Variants in LONRF3 observed in about 807,000 individuals in gnomAD.
LONRF3 encodes the protein LON peptidase N-terminal domain and RING finger protein 3.
Under a neutral mutation model 51.7 loss-of-function variants are expected in LONRF3, and 19 were observed. That is an observed-to-expected ratio of 0.37 (90% confidence interval 0.26 to 0.54). LONRF3 has a LOEUF of 0.54. Among genes scored for constraint, LONRF3 ranks in the 20% least tolerant of loss-of-function variants. The probability of loss-of-function intolerance (pLI) is 0.86; values close to 1 mark genes in which losing one functional copy is unlikely to be tolerated. For missense variants in LONRF3, 521 were observed against 623.9 expected (o/e 0.84, Z 1.76); for synonymous variants, 265 against 257.8 (o/e 1.03, Z -0.27).
intron 5 of LONRF3, among the ~76,000 whole-genome samples, chrX:118,996,802 G>T (rs769158454): frequency 9.2e-6 from 1 of 109,173 alleles, no homozygotes; most frequent in South Asian, 4.1e-4. Flanking sequence ...TGCACCTGTA[G>T]TCCCAGCTAC....
chrX:118,992,407 C>T (rs914532689), intron 5 of LONRF3, among the ~76,000 whole-genome samples: 9 of 111,235 alleles, frequency 8.1e-5, no homozygotes, highest in Non-Finnish European at 1.7e-4. Flanking sequence ...ATTTCCCCAA[C>T]TTCCCTGGTA....
At position 118,976,030 on chromosome X, in the gene LONRF3, C is replaced by A. The variant is rs749671006; in HGVS notation, c.817+433C>A. 1.2e-4 allele frequency among the ~76,000 whole-genome samples: 13 copies of A among 112,795 alleles called. No individual in the cohort carries two copies. The East Asian group carries it at 3.7e-3, about 32-fold the overall frequency. ...CCTGGTCTCCTCTTACACCTGCTCG[C>A]ACCTTCCCAGCGAGGAGAGGAACTT... On this transcript the variant is annotated intron_variant, in intron 1 of 10. Coordinates refer to ENST00000371628, the MANE Select transcript of LONRF3 (RefSeq NM_001031855.3).
At chrX:119,003,173 G>A (rs1924455073) in intron 5 of LONRF3, among the ~76,000 whole-genome samples, 1 of 111,148 alleles carries the variant, frequency 9.0e-6, no homozygotes, top group African/African-American at 3.3e-5. Flanking sequence ...AGGTCATAAA[G>A]ATATTCTCCT....
In LONRF3 at chrX:118,975,366, G is replaced by A; in HGVS notation, c.586G>A (p.Gly196Arg). 1 of 1,209,017 alleles carries A rather than the reference G, an allele frequency of 8.3e-7. No individual in the cohort carries two copies. Among genetic ancestry groups the A allele is most frequent in the South Asian group, 1.8e-5 (1 of 56,725 alleles). Residue 196 changes from glycine (G) to arginine (R), a missense_variant, in exon 1 of 11, where the codon GGG (glycine) becomes AGG (arginine). Coordinates refer to ENST00000371628, the MANE Select transcript of LONRF3 (RefSeq NM_001031855.3). Reference sequence around the variant, plus strand: ...CGCCGACCGGCGCTGTGCGCTGTGCGGGGTCAAGCTCTCCGCCTTGATGGT... The same window carrying A: ...CGCCGACCGGCGCTGTGCGCTGTGCAGGGTCAAGCTCTCCGCCTTGATGGT... ...RAADRRCALC[G>R]VKLSALMVAT... is the part of the protein sequence containing the mutation.
At chrX:119,009,064 T>C in intron 6 of LONRF3, 62 bp from the exon 7 acceptor site, 2 of 1,007,780 alleles carry the variant, frequency 2.0e-6, no homozygotes, top group South Asian at 4.4e-5. Context: ...ACATCAGAAG[T>C]GTTTTGCTGA....
At chrX:119,003,688 A>C (rs1171989492) in intron 5 of LONRF3, among the ~76,000 whole-genome samples, 1 of 112,492 alleles carries the variant, frequency 8.9e-6, no homozygotes, top group Non-Finnish European at 1.9e-5. Flanking sequence ...TGCTCTTCAG[A>C]TGTATCTTGG....
chrX:118,998,010 C>G (rs940804238), intron 5 of LONRF3, among the ~76,000 whole-genome samples: 16 of 112,328 alleles, frequency 1.4e-4, no homozygotes, highest in East Asian at 5.6e-4. Flanking sequence ...GGGAACACTT[C>G]TACACTGCTG....
chrX:119,010,939 C>T (rs2147306691), intron 7 of LONRF3, among the ~76,000 whole-genome samples: 1 of 109,524 alleles, frequency 9.1e-6, no homozygotes, highest in Admixed American at 9.7e-5. Flanking sequence ...CATGGTGAAA[C>T]CCCATCTCTA....
At chrX:118,979,460 A>T (rs370231103) in intron 2 of LONRF3, among the ~76,000 whole-genome samples, 27 of 110,563 alleles carry the variant, frequency 2.4e-4, no homozygotes, top group African/African-American at 8.6e-4. Context: ...TGCCCGGCTA[A>T]TTTTTTGTAT....
chrX:118,987,514 G>A (rs1282749565), intron 3 of LONRF3, among the ~76,000 whole-genome samples: 2 of 86,180 alleles, frequency 2.3e-5, no homozygotes, highest in Admixed American at 1.6e-4. Context: ...GGCTGGTCTC[G>A]AACTCCTGGC....
Position 118,974,630 on chromosome X carries a change from G to C in LONRF3, c.-151G>C, listed in dbSNP as rs1921826457. 6.4e-6 allele frequency: 3 copies of C among 468,743 alleles called. No homozygotes were observed. Among genetic ancestry groups the C allele is most frequent in the Non-Finnish European group, 7.4e-6 (2 of 271,535 alleles). The allele number at this position is 468,743 out of a possible 1,213,427, so 38.6% of individuals were successfully genotyped here. A position where few individuals can be genotyped will look rare whatever the true frequency, so the allele number is the denominator to read the frequency against. ...AGACAAGACAGTTATTAGGCGGCGC[G>C]GGGCGGCCGGCATGGAGCTCCCGGA... On this transcript the variant is annotated 5_prime_UTR_variant, in exon 1 of 11. Transcript: ENST00000371628.
rs1038955803 is a variant in LONRF3, at chrX:119,006,244, A to G, written c.1530+9A>G. ...AAGACGGTCTTTCACAGGTAAATCA[A>G]TATTTCTTTCTTGTTTGGTTTAAAT... is the stretch of plus-strand genomic sequence containing the variant. On this transcript the variant is annotated intron_variant, in intron 6 of 10. Transcript: ENST00000371628. 7.4e-6 allele frequency: 8 copies of G among 1,078,128 alleles called. No individual in the cohort carries two copies. The highest frequency in any genetic ancestry group is 2.5e-4 in the Middle Eastern group (1 of 3,999). 88.8% of individuals were successfully genotyped at this position (1,078,128 alleles called of 1,213,427 possible). A position where few individuals can be genotyped will look rare whatever the true frequency, so the allele number is the denominator to read the frequency against.
At chrX:119,013,253 G>A (rs1357743831) in intron 9 of LONRF3, 52 bp downstream of exon 9, 1 of 1,104,138 alleles carries the variant, frequency 9.1e-7, no homozygotes, top group East Asian at 3.0e-5. Context: ...CTTGTAACTT[G>A]ATACACAAAG....
At position 118,989,403 on chromosome X, in the gene LONRF3, T is replaced by A; in HGVS notation, c.1060-5T>A. 8.3e-7 allele frequency: 1 copy of A among 1,210,119 alleles called. No individual in the cohort carries two copies. The highest frequency in any genetic ancestry group is 1.8e-5 in the South Asian group (1 of 56,751). On this transcript the variant is annotated splice_polypyrimidine_tract_variant and splice_region_variant and intron_variant, in intron 3 of 10. Coordinates refer to ENST00000371628, the MANE Select transcript of LONRF3 (RefSeq NM_001031855.3). The stretch of plus-strand genomic sequence containing the variant: ...ATTCTGATATGTGGCCCTTTCTTCA[T>A]CCAGGACAATCTGGAGCTCCCACAT...
rs1921867128 is a variant in LONRF3 at position 118,974,971 on chromosome X, C to T, written c.191C>T (p.Thr64Met). Residue 64 changes from threonine (T) to methionine (M), a missense_variant, in exon 1 of 11, where the codon ACG becomes ATG. Thr to Met is a moderately conservative substitution (Grantham distance 81, BLOSUM62 -1). This residue lies in a region of LONRF3 where 376 missense variants were observed against 376.7 expected (regional missense o/e 1.00). Transcript: ENST00000371628. ...PEQEQSPGTS[T>M]PESKVLLTQA... The stretch of plus-strand genomic sequence containing the variant: ...CAAGAGCAGTCTCCGGGGACCTCAA[C>T]GCCGGAGAGCAAAGTCCTGCTCACG... 1 of 1,175,588 alleles carries T rather than the reference C, an allele frequency of 8.5e-7. No homozygotes were observed.
chrX:118,974,931 A>G lies in LONRF3; in HGVS notation c.151A>G (p.Thr51Ala), dbSNP rs1278853124. 8.4e-7 allele frequency: 1 copy of G among 1,184,444 alleles called. No homozygotes were observed. Among genetic ancestry groups the G allele is most frequent in the Non-Finnish European group, 1.1e-6 (1 of 881,650 alleles). Residue 51 changes from threonine (T) to alanine (A), a missense_variant, in exon 1 of 11, where the codon ACG (threonine) becomes GCG (alanine). Transcript: ENST00000371628. Reference protein sequence around the residue: ...VAAEGPAPLPTREPEQEQSPG... With the variant: ...VAAEGPAPLPAREPEQEQSPG... ...TGCAGAGGGCCCCGCACCTCTACCGACGCGGGAGCCAGAGCAAGAGCAGTC... is the reference window on the plus strand; with the variant it reads ...TGCAGAGGGCCCCGCACCTCTACCGGCGCGGGAGCCAGAGCAAGAGCAGTC...
chrX:118,995,805 A>C (rs2316010), intron 5 of LONRF3, among the ~76,000 whole-genome samples: 1,823 of 112,191 alleles, frequency 0.016, 29 homozygotes, highest in African/African-American at 0.056. Context: ...ATGAGATACC[A>C]TGAACAGACC....
chrX:118,979,177 T>C (rs1922348986), intron 2 of LONRF3, among the ~76,000 whole-genome samples: 1 of 107,816 alleles, frequency 9.3e-6, no homozygotes, highest in East Asian at 2.9e-4. Flanking sequence ...ATTTTTTGTA[T>C]TTTTTTTTGT....
chrX:119,014,629 A>T (rs1925319330), intron 10 of LONRF3, among the ~76,000 whole-genome samples: 1 of 111,717 alleles, frequency 9.0e-6, no homozygotes, highest in Non-Finnish European at 1.9e-5. Context: ...GAACATAGAT[A>T]TCACCAACAG....
Sources: gnomAD v4.1 joint callset for allele counts (sites outside exome capture counted in the v4.1 genomes callset) on GRCh38, gnomAD v4.1.1 for gene constraint, gnomAD v4.1.1 regional missense constraint, MANE v1.5 for transcripts, NCBI Gene and HGNC (gene_info 2026-07-23, HGNC 2026-07-21) for gene names.